SLC16A2: variants seen among roughly 807,000 people sequenced by gnomAD.
SLC16A2 encodes monocarboxylate transporter 8.
SLC16A2 carries 3 observed loss-of-function variants against 27.2 expected under a neutral mutation model. The observed-to-expected ratio is 0.11, with a 90% CI of 0.05 to 0.28. SLC16A2 has a LOEUF of 0.28. Among genes scored for constraint, SLC16A2 ranks in the 10% least tolerant of loss-of-function variants. The pLI, the probability that SLC16A2 is intolerant of heterozygous loss-of-function variation, is 1.00. For synonymous variants in SLC16A2, 202 were observed against 187.8 expected (o/e 1.08, Z -0.62); for missense variants, 295 against 458.5 (o/e 0.64, Z 3.26).
At position 74,475,189 on chromosome X, in the gene SLC16A2, G is replaced by A. The variant is rs1225384513; in HGVS notation, c.431-45801G>A. Among the ~76,000 whole-genome samples the A allele has an allele frequency of 5.6e-5, 6 of 107,868 alleles. No individual in the cohort carries two copies. The East Asian group carries it at 1.2e-3, about 21-fold the overall frequency. The allele number at this position is 107,868 out of a possible 115,157, so 93.7% of individuals were successfully genotyped here. On this transcript the variant is annotated intron_variant, in intron 1 of 5. Transcript: ENST00000587091. Reference sequence around the variant, plus strand: ...TCGCCATTCTAACTGGTGTGAGATGGTATCTCATTGTGGTTTTGATTTGCA... The same window carrying A: ...TCGCCATTCTAACTGGTGTGAGATGATATCTCATTGTGGTTTTGATTTGCA...
intron 1 of SLC16A2, among the ~76,000 whole-genome samples, chrX:74,496,001 A>G (rs1284204154): frequency 8.1e-5 from 9 of 110,618 alleles, no homozygotes; most frequent in Non-Finnish European, 1.3e-4. Context: ...GAGATCATGG[A>G]ACCAACTGGC....
chrX:74,458,186 C>T (rs1480361012), intron 1 of SLC16A2, among the ~76,000 whole-genome samples: 2 of 111,565 alleles, frequency 1.8e-5, no homozygotes, highest in Non-Finnish European at 3.8e-5. Flanking sequence ...CTCATCCTAG[C>T]TTTATTGGAG....
intron 1 of SLC16A2, among the ~76,000 whole-genome samples, chrX:74,466,553 T>A (rs940044957): frequency 8.9e-6 from 1 of 112,559 alleles, no homozygotes; most frequent in Non-Finnish European, 1.9e-5. Flanking sequence ...ATAGTTGTTA[T>A]ACTATATTGT....
chrX:74,457,864 A>AC (rs1929064754), intron 1 of SLC16A2, among the ~76,000 whole-genome samples: 3 of 111,222 alleles, frequency 2.7e-5, no homozygotes, highest in Non-Finnish European at 5.7e-5. Context: ...GGGCACCGGG[A>AC]CCCCTAATGC....
intron 1 of SLC16A2, among the ~76,000 whole-genome samples, chrX:74,422,890 G>T (rs1283198128): frequency 8.9e-6 from 1 of 112,714 alleles, no homozygotes; most frequent in Non-Finnish European, 1.9e-5. Context: ...TGCCTTCCCC[G>T]GCAACCCGCG....
intron 1 of SLC16A2, among the ~76,000 whole-genome samples, chrX:74,472,449 A>C (rs1000964437): frequency 2.7e-5 from 3 of 111,384 alleles, no homozygotes; most frequent in South Asian, 3.7e-4. Context: ...TTTGCTGAAA[A>C]GACTATTTTA....
In SLC16A2 at chrX:74,445,299, A is replaced by G. The variant is rs764561176; in HGVS notation, c.430+23232A>G. Reference sequence around the variant, plus strand: ...ATAACCATCAGTCTCCACGAATCAAATAAAACCAGGCAGCAAGCCTAATAA... The same window carrying G: ...ATAACCATCAGTCTCCACGAATCAAGTAAAACCAGGCAGCAAGCCTAATAA... On this transcript the variant is annotated intron_variant, in intron 1 of 5. Transcript: ENST00000587091. Among the ~76,000 whole-genome samples, 5 of 111,300 alleles carry G rather than the reference A, an allele frequency of 4.5e-5. No homozygotes were observed. In the South Asian group the frequency reaches 1.9e-3, roughly 43 times the overall value.
chrX:74,481,242 T>C (rs1442855918), intron 1 of SLC16A2, among the ~76,000 whole-genome samples: 2 of 112,281 alleles, frequency 1.8e-5, no homozygotes, highest in African/African-American at 6.5e-5. Flanking sequence ...AGTTGGGAAA[T>C]ATTTCCTCCT....
At chrX:74,508,142 G>A (rs373752581) in intron 1 of SLC16A2, among the ~76,000 whole-genome samples, 2 of 111,714 alleles carry the variant, frequency 1.8e-5, no homozygotes, top group East Asian at 2.8e-4. Context: ...GTCTTGAAAC[G>A]AGATAATATA....
chrX:74,439,186 T>TTTTC lies in SLC16A2; in HGVS notation c.430+17138_430+17141dup, dbSNP rs80044741. 8.4e-4 allele frequency among the ~76,000 whole-genome samples: 43 copies of TTTTC among 51,483 alleles called. 1 individual carries two copies. The highest frequency in any genetic ancestry group is 6.8e-3 in the East Asian group (1 of 148). The allele number at this position is 51,483 out of a possible 115,157, so 44.7% of individuals were successfully genotyped here. A position where few individuals can be genotyped will look rare whatever the true frequency, so the allele number is the denominator to read the frequency against. On this transcript the variant is annotated intron_variant, in intron 1 of 5. Coordinates refer to ENST00000587091, the MANE Select transcript of SLC16A2 (RefSeq NM_006517.5). ...TTTCTTTCTTTCTTTCTTTCTTTCT[T>TTTTC]TTTCTTTCTTTCTTTCTTTCTTCCT...
At chrX:74,522,861 A>T (rs1320860330) in intron 2 of SLC16A2, among the ~76,000 whole-genome samples, 1 of 111,776 alleles carries the variant, frequency 8.9e-6, no homozygotes, top group African/African-American at 3.3e-5. Context: ...GGTTCTTCTC[A>T]TGGCTAGAGC....
At chrX:74,458,010 A>G (rs1273009487) in intron 1 of SLC16A2, among the ~76,000 whole-genome samples, 1 of 112,034 alleles carries the variant, frequency 8.9e-6, no homozygotes, top group Non-Finnish European at 1.9e-5. Context: ...TTCAGAAAAT[A>G]GGATTCACTG....
chrX:74,515,828 G>A (rs1308555537), intron 1 of SLC16A2, among the ~76,000 whole-genome samples: 1 of 111,864 alleles, frequency 8.9e-6, no homozygotes, highest in Non-Finnish European at 1.9e-5. Context: ...CTTCAGGAAT[G>A]AATGAGGAAA....
intron 1 of SLC16A2, among the ~76,000 whole-genome samples, chrX:74,441,728 G>T (rs1928751900): frequency 9.0e-6 from 1 of 111,174 alleles, no homozygotes; most frequent in African/African-American, 3.3e-5. Context: ...GACAAACCTT[G>T]ATCTCTATTA....
chrX:74,462,182 C>A (rs1929161535), intron 1 of SLC16A2, among the ~76,000 whole-genome samples: 1 of 112,399 alleles, frequency 8.9e-6, no homozygotes, highest in African/African-American at 3.2e-5. Flanking sequence ...CAACTGGAAT[C>A]AAGGCCCTTT....
chrX:74,427,838 CACA>C (rs1569282335), intron 1 of SLC16A2, among the ~76,000 whole-genome samples: 61 of 110,080 alleles, frequency 5.5e-4, no homozygotes, highest in Middle Eastern at 4.7e-3. Context: ...CACACACACA[CACA>C]CCCATACCCT....
chrX:74,439,620 C>T (rs1928705734), intron 1 of SLC16A2, among the ~76,000 whole-genome samples: 1 of 107,881 alleles, frequency 9.3e-6, no homozygotes, highest in South Asian at 4.1e-4. Flanking sequence ...CGCTTTCTCT[C>T]TCTCTCTTTT....
chrX:74,442,228 C>CAAAA (rs1278847714), intron 1 of SLC16A2, among the ~76,000 whole-genome samples: 6 of 38,368 alleles, frequency 1.6e-4, no homozygotes, highest in Admixed American at 7.1e-4. Context: ...AACTCCGTCT[C>CAAAA]AAAAAAAAAA....
In SLC16A2 at chrX:74,529,197, G is replaced by A. The variant is rs1282113138; in HGVS notation, c.1171-16G>A. 1.7e-6 allele frequency: 2 copies of A among 1,177,789 alleles called. No homozygotes were observed. Among genetic ancestry groups the A allele is most frequent in the South Asian group, 3.6e-5 (2 of 55,445 alleles). ...GCTGGCCAGCACAACCTGACCTCAGGCCCTTGTTTCTCCAGGTCCTTTCCT... is the reference window on the plus strand; with the variant it reads ...GCTGGCCAGCACAACCTGACCTCAGACCCTTGTTTCTCCAGGTCCTTTCCT... On this transcript the variant is annotated splice_polypyrimidine_tract_variant and intron_variant, in intron 4 of 5. Coordinates refer to ENST00000587091, the MANE Select transcript of SLC16A2 (RefSeq NM_006517.5).
Sources: gnomAD v4.1 joint callset for allele counts (sites outside exome capture counted in the v4.1 genomes callset) on GRCh38, gnomAD v4.1.1 for gene constraint, MANE v1.5 for transcripts, NCBI Gene and HGNC (gene_info 2026-07-23, HGNC 2026-07-21) for gene names.